Variants in GHR observed in about 807,000 individuals in gnomAD.
GHR encodes the protein GH receptor.
GHR carries 35 observed loss-of-function variants against 67.1 expected under a neutral mutation model. The observed-to-expected ratio is 0.52, with a 90% CI of 0.40 to 0.69. The LOEUF (loss-of-function observed/expected upper bound fraction) is 0.69. Ranked by LOEUF, GHR falls within the 30% of genes least tolerant of loss-of-function variation. The probability of loss-of-function intolerance (pLI) is 0.00; values close to 1 mark genes in which losing one functional copy is unlikely to be tolerated. For missense variants in GHR, 792 were observed against 764.6 expected (o/e 1.04, Z -0.42); for synonymous variants, 272 against 269.1 (o/e 1.01, Z -0.10).
In GHR at chr5:42,477,331, A is replaced by G. The variant is rs1364965992; in HGVS notation, c.-12+53376A>G. On this transcript the variant is annotated intron_variant, in intron 1 of 9. Transcript: ENST00000230882. ...AGTCTTTGCTATTGCGAATAGTGCC[A>G]CAATAAACATACGTGTGCATGTGTC... is the stretch of plus-strand genomic sequence containing the variant. Among the ~76,000 whole-genome samples, 4 of 152,088 alleles carry G rather than the reference A, an allele frequency of 2.6e-5. No individual in the cohort carries two copies. In the South Asian group the frequency reaches 6.2e-4, roughly 24 times the overall value.
chr5:42,579,074 TATAGATAGATAGATAGATAG>T (rs6149005), intron 2 of GHR, among the ~76,000 whole-genome samples: 130 of 123,812 alleles, frequency 1.0e-3, no homozygotes, highest in African/African-American at 2.5e-3. Flanking sequence ...AATCTGACAC[TATAGATAGATAGATAGATAG>T]ATAGATAGAT....
At chr5:42,661,259 C>T (rs892468143) in intron 3 of GHR, among the ~76,000 whole-genome samples, 4 of 152,118 alleles carry the variant, frequency 2.6e-5, no homozygotes, top group African/African-American at 4.8e-5. Flanking sequence ...AAGAACGCCA[C>T]AAAGATATTC....
At chr5:42,647,796 C>T (rs192566635) in intron 3 of GHR, 153 of 370,560 alleles carry the variant, frequency 4.1e-4, no homozygotes, top group African/African-American at 3.0e-3. Context: ...AAGGATCTTA[C>T]GTATGTATAC....
chr5:42,642,051 A>C (rs1754502477), intron 3 of GHR, among the ~76,000 whole-genome samples: 2 of 108,416 alleles, frequency 1.8e-5, no homozygotes, highest in Admixed American at 1.8e-4. Flanking sequence ...AGAAGAAATC[A>C]TATGTTTTCA....
chr5:42,458,786 C>T (rs1431370052), intron 1 of GHR, among the ~76,000 whole-genome samples: 2 of 152,028 alleles, frequency 1.3e-5, no homozygotes, highest in Non-Finnish European at 2.9e-5. Flanking sequence ...TTGAACAAAT[C>T]AACAAGCAAA....
intron 3 of GHR, among the ~76,000 whole-genome samples, chr5:42,660,380 C>A (rs1266893660): frequency 1.3e-5 from 2 of 152,172 alleles, no homozygotes; most frequent in African/African-American, 4.8e-5. Flanking sequence ...CAGACTGACA[C>A]CTCACACGGC....
intron 5 of GHR, among the ~76,000 whole-genome samples, chr5:42,699,144 A>T (rs76693718): frequency 0.021 from 3,156 of 152,344 alleles, 39 homozygotes; most frequent in Middle Eastern, 0.062. Flanking sequence ...GGCTAGGAAG[A>T]TCACAAAGCT....
chr5:42,603,287 C>T (rs1752471392), intron 2 of GHR, among the ~76,000 whole-genome samples: 1 of 152,058 alleles, frequency 6.6e-6, no homozygotes, highest in African/African-American at 2.4e-5. Flanking sequence ...TTTCAAAATT[C>T]TCTTTGTCTT....
intron 2 of GHR, among the ~76,000 whole-genome samples, chr5:42,616,428 T>C (rs1019171475): frequency 2.6e-5 from 4 of 152,084 alleles, no homozygotes; most frequent in Admixed American, 2.0e-4. Flanking sequence ...TTGGCTTAAG[T>C]ACCTGAGTGG....
chr5:42,512,841 T>C (rs1747077545), intron 1 of GHR, among the ~76,000 whole-genome samples: 1 of 152,014 alleles, frequency 6.6e-6, no homozygotes, highest in Non-Finnish European at 1.5e-5. Flanking sequence ...TTTGATCCAT[T>C]CTCTTTTTCT....
intron 3 of GHR, among the ~76,000 whole-genome samples, chr5:42,644,612 A>G (rs566519365): frequency 6.6e-6 from 1 of 152,250 alleles, no homozygotes. Context: ...ATATTCAGGA[A>G]TCATTACCAA....
chr5:42,500,916 C>T (rs190778685), intron 1 of GHR, among the ~76,000 whole-genome samples: 18 of 152,188 alleles, frequency 1.2e-4, no homozygotes, highest in Non-Finnish European at 7.4e-5. Context: ...GTGTGAGGTA[C>T]GTTTTAGAAT....
intron 1 of GHR, among the ~76,000 whole-genome samples, chr5:42,563,937 T>C (rs1291916915): frequency 6.6e-6 from 1 of 152,204 alleles, no homozygotes; most frequent in Non-Finnish European, 1.5e-5. Context: ...CATAGCCTGT[T>C]CACCTAGGAG....
At chr5:42,686,156 G>T (rs566815613) in intron 3 of GHR, among the ~76,000 whole-genome samples, 2 of 152,076 alleles carry the variant, frequency 1.3e-5, no homozygotes, top group African/African-American at 2.4e-5. Flanking sequence ...AGCTTTCTGC[G>T]TATGGCTAGC....
chr5:42,668,724 C>A (rs1039716119), intron 3 of GHR, among the ~76,000 whole-genome samples: 3 of 152,084 alleles, frequency 2.0e-5, no homozygotes, highest in African/African-American at 7.2e-5. Context: ...CCATATTTAT[C>A]TTTGTATTTG....
chr5:42,429,199 C>T (rs1483382190), intron 1 of GHR, among the ~76,000 whole-genome samples: 3 of 152,230 alleles, frequency 2.0e-5, no homozygotes, highest in Non-Finnish European at 4.4e-5. Flanking sequence ...GGCACTCTTA[C>T]ATGGTGGCAG....
intron 1 of GHR, among the ~76,000 whole-genome samples, chr5:42,525,943 G>T (rs1418970573): frequency 6.6e-6 from 1 of 152,096 alleles, no homozygotes; most frequent in Admixed American, 6.6e-5. Flanking sequence ...ACCTCTTTTT[G>T]TTTCCAGTTT....
At chr5:42,523,362 G>A (rs1747558479) in intron 1 of GHR, among the ~76,000 whole-genome samples, 1 of 152,178 alleles carries the variant, frequency 6.6e-6, no homozygotes, top group South Asian at 2.1e-4. Flanking sequence ...TTGCAACCCT[G>A]TAACGAGCAA....
intron 2 of GHR, among the ~76,000 whole-genome samples, chr5:42,608,596 G>A (rs1010705138): frequency 6.6e-6 from 1 of 152,004 alleles, no homozygotes; most frequent in African/African-American, 2.4e-5. Flanking sequence ...TTTGTGGATT[G>A]TTGTCAAAGA....
Sources: allele counts gnomAD v4.1 joint callset (sites outside exome capture counted in the v4.1 genomes callset), GRCh38; gene constraint gnomAD v4.1.1; transcripts MANE v1.5; gene names NCBI Gene and HGNC (gene_info 2026-07-23, HGNC 2026-07-21).